ACSM5: variants seen among roughly 807,000 people sequenced by gnomAD.
The protein encoded by ACSM5 is acyl-CoA synthetase medium chain family member 5.
Under a neutral mutation model 71.6 loss-of-function variants are expected in ACSM5, and 56 were observed. The observed-to-expected ratio is 0.78, with a 90% CI of 0.63 to 0.98. ACSM5 has a LOEUF of 0.98. Ranked by LOEUF, ACSM5 falls within the 50% of genes least tolerant of loss-of-function variation. ACSM5 has a pLI of 0.00. For missense variants in ACSM5, 723 were observed against 726.0 expected (o/e 1.00, Z 0.05); for synonymous variants, 285 against 281.5 (o/e 1.01, Z -0.12).
In ACSM5 at chr16:20,421,410, G is replaced by A. The variant is rs113494620; in HGVS notation, c.767+9G>A. 0.039 allele frequency: 61,648 copies of A among 1,582,676 alleles called. 1,426 individuals carry two copies. The highest frequency in any genetic ancestry group is 0.074 in the South Asian group (6,484 of 88,132). Reference sequence around the variant, plus strand: ...TTTGTGGCCAGCGGAAGGTACCAGAGCAGCTTGTCTAGAGGATCCAAGAAC... The same window carrying A: ...TTTGTGGCCAGCGGAAGGTACCAGAACAGCTTGTCTAGAGGATCCAAGAAC... On this transcript the variant is annotated intron_variant, in intron 5 of 13. Transcript: ENST00000331849.
At chr16:20,431,712 A>C (rs1438816556) in intron 10 of ACSM5, among the ~76,000 whole-genome samples, 1 of 152,132 alleles carries the variant, frequency 6.6e-6, no homozygotes, top group Non-Finnish European at 1.5e-5. Context: ...GCACTTTCAG[A>C]GGCCGAGGCA....
chr16:20,437,627 A>G (rs1338458984), intron 12 of ACSM5, among the ~76,000 whole-genome samples: 1 of 127,782 alleles, frequency 7.8e-6, no homozygotes, highest in Non-Finnish European at 1.6e-5. Flanking sequence ...GGGGCAGGAG[A>G]TCTTGGGGGA....
At chr16:20,433,120 CAAA>C in intron 10 of ACSM5, among the ~76,000 whole-genome samples, 1 of 152,164 alleles carries the variant, frequency 6.6e-6, no homozygotes, top group Non-Finnish European at 1.5e-5. Flanking sequence ...GGGCAACTCC[CAAA>C]GTGCTGGGAT....
Position 20,430,976 on chromosome 16 carries a change from T to C in ACSM5, c.1126-17T>C, listed in dbSNP as rs751673581. The C allele has an allele frequency of 1.2e-5, 19 of 1,602,540 alleles. No homozygotes were observed. The highest frequency in any genetic ancestry group is 6.8e-6 in the Non-Finnish European group (8 of 1,173,032). On this transcript the variant is annotated splice_polypyrimidine_tract_variant and intron_variant, in intron 8 of 13. Transcript: ENST00000331849. ...AAGTGGAAAGGCTCTTCTTTATCTG[T>C]ACTGCGTTCTCCCCAGGTTGTCATC...
At position 20,424,142 on chromosome 16, in the gene ACSM5, T is replaced by A. The variant is rs1966932400; in HGVS notation, c.921+73T>A. 2.6e-6 allele frequency: 4 copies of A among 1,553,774 alleles called. No individual in the cohort carries two copies. The East Asian group carries it at 6.8e-5, about 26-fold the overall frequency. On this transcript the variant is annotated intron_variant, in intron 6 of 13. Transcript: ENST00000331849. The stretch of plus-strand genomic sequence containing the variant: ...GATGAGTGGGATATAGATTTCAGAC[T>A]GCAGGAGAAAACACATAAATCAGTG...
intron 8 of ACSM5, among the ~76,000 whole-genome samples, 190 bp downstream of exon 8, chr16:20,429,991 T>G (rs1967062984): frequency 6.6e-6 from 1 of 152,028 alleles, no homozygotes; most frequent in Non-Finnish European, 1.5e-5. Context: ...GGAGCTAAGC[T>G]ATGAGGATGC....
intron 5 of ACSM5, among the ~76,000 whole-genome samples, chr16:20,421,770 C>T (rs908533205): frequency 1.3e-5 from 2 of 151,566 alleles, no homozygotes; most frequent in African/African-American, 4.8e-5. Context: ...AATACATTCA[C>T]ATTGTTGTGC....
intron 12 of ACSM5, among the ~76,000 whole-genome samples, chr16:20,438,127 T>C (rs7201498): frequency 0.41 from 61,511 of 151,646 alleles, 14,797 homozygotes; most frequent in East Asian, 0.78. Flanking sequence ...CGTGCCCGGC[T>C]AGGAGAAATC....
intron 2 of ACSM5, among the ~76,000 whole-genome samples, chr16:20,414,756 G>A (rs1447129749): frequency 1.3e-5 from 2 of 152,144 alleles, no homozygotes; most frequent in African/African-American, 2.4e-5. Context: ...TGAGGAGCAC[G>A]GAAAAAAGCC....
Position 20,418,169 on chromosome 16 carries a change from G to A in ACSM5, c.315G>A (p.Val105=), listed in dbSNP as rs749640215. ...AGCAGTCCAGGAAGGCAGCCAATGT[G>A]CTGGGGGGTGCATGCGGCCTGCAGC... The part of the protein sequence containing the change: ...LGKQSRKAAN[V]LGGACGLQPG... Residue 105 remains valine, a synonymous_variant, in exon 3 of 14, where the codon GTG becomes GTA. Transcript: ENST00000331849. 22 of 1,613,420 alleles carry A rather than the reference G, an allele frequency of 1.4e-5. No homozygotes were observed. Among genetic ancestry groups the A allele is most frequent in the Non-Finnish European group, 1.9e-5 (22 of 1,179,920 alleles).
In ACSM5 at chr16:20,427,812, A is replaced by G; in HGVS notation, c.946A>G (p.Thr316Ala). 2 of 1,613,618 alleles carry G rather than the reference A, an allele frequency of 1.2e-6. No individual in the cohort carries two copies. The highest frequency in any genetic ancestry group is 1.7e-6 in the Non-Finnish European group (2 of 1,179,780). The stretch of plus-strand genomic sequence containing the variant: ...GACTCTCTCCAAATTCCCGATAACC[A>G]CCCTCTGCTGTGTCCCAACCATCTT... ...LNTLSKFPIT[T>A]LCCVPTIFRL... The change falls in exon 7 of 14, where the codon ACC becomes GCC. Residue 316 changes from threonine to alanine, a missense_variant. Thr to Ala is a moderately conservative substitution (Grantham distance 58). Transcript: ENST00000331849.
chr16:20,411,390 C>A, intron 1 of ACSM5, 80 bp from the exon 2 acceptor site: 2 of 1,173,584 alleles, frequency 1.7e-6, no homozygotes, highest in Non-Finnish European at 2.5e-6. Context: ...CAGCACTAAC[C>A]ACAGGTTTCT....
rs771404337 is a variant in ACSM5 at position 20,440,431 on chromosome 16, G to A, written c.*4G>A. ...AAGTCAGGAGTGGGGGAAATGAGGT[G>A]CACCCCAGGAAGGCCCCGTAGACCT... On this transcript the variant is annotated 3_prime_UTR_variant, in exon 14 of 14. Transcript: ENST00000331849. 2 of 1,609,608 alleles carry A rather than the reference G, an allele frequency of 1.2e-6. No homozygotes were observed. Among genetic ancestry groups the A allele is most frequent in the South Asian group, 2.2e-5 (2 of 90,992 alleles).
chr16:20,420,361 G>A (rs2141646325), intron 4 of ACSM5, among the ~76,000 whole-genome samples: 1 of 152,324 alleles, frequency 6.6e-6, no homozygotes, highest in East Asian at 1.9e-4. Flanking sequence ...AGCACTTTTG[G>A]AGGCTGAGGC....
chr16:20,429,869 T>C lies in ACSM5; in HGVS notation c.1125+68T>C, dbSNP rs1967060781. On this transcript the variant is annotated intron_variant, in intron 8 of 13. Transcript: ENST00000331849. ...CGAGAGCTTCCTGCCTCTCCGGCTG[T>C]CACCTCCCTGAAGCTTCTCAGGGAC... is the stretch of plus-strand genomic sequence containing the variant. The C allele has an allele frequency of 1.3e-5, 20 of 1,578,564 alleles. No homozygotes were observed. The South Asian group carries it at 2.2e-4, about 17-fold the overall frequency.
At chr16:20,415,280 A>G (rs1225656941) in intron 2 of ACSM5, among the ~76,000 whole-genome samples, 1 of 152,230 alleles carries the variant, frequency 6.6e-6, no homozygotes, top group Non-Finnish European at 1.5e-5. Context: ...TATGCTGCAA[A>G]GGGAAATCCA....
intron 2 of ACSM5, among the ~76,000 whole-genome samples, chr16:20,413,143 C>T (rs1158618262): frequency 3.9e-5 from 6 of 152,146 alleles, no homozygotes; most frequent in Admixed American, 1.3e-4. Context: ...AGCCAGGATG[C>T]TCCATTCCTG....
In ACSM5 at chr16:20,440,692, G is replaced by C. The variant is rs1276522654; in HGVS notation, c.*265G>C. The stretch of plus-strand genomic sequence containing the variant: ...CTGTCTGGGGGCAGGCTCAGCATCT[G>C]CCCACTGGTCTCACTAAGAGCTTTC... On this transcript the variant is annotated 3_prime_UTR_variant, in exon 14 of 14. Transcript: ENST00000331849. The C allele has an allele frequency of 4.9e-6, 2 of 406,844 alleles. No individual in the cohort carries two copies. The highest frequency in any genetic ancestry group is 9.4e-6 in the Non-Finnish European group (2 of 213,796). The allele number at this position is 406,844 out of a possible 1,614,324, so 25.2% of individuals were successfully genotyped here. A position where few individuals can be genotyped will look rare whatever the true frequency, so the allele number is the denominator to read the frequency against.
chr16:20,419,842 G>A (rs979187841), intron 4 of ACSM5: 5 of 244,940 alleles, frequency 2.0e-5, no homozygotes, highest in East Asian at 2.1e-4. Flanking sequence ...TTCATGCAGC[G>A]AAGATTTAAT....
Sources: gnomAD v4.1 joint callset for allele counts (sites outside exome capture counted in the v4.1 genomes callset) on GRCh38, gnomAD v4.1.1 for gene constraint, MANE v1.5 for transcripts, NCBI Gene and HGNC (gene_info 2026-07-23, HGNC 2026-07-21) for gene names.